The following TRIO variants were observed in gnomAD, a reference collection of about 807,000 sequenced individuals.
TRIO encodes the protein triple functional domain protein.
A neutral mutation model predicts 351.9 loss-of-function variants in TRIO; 58 were observed. That is an observed-to-expected ratio of 0.16 (90% CI 0.13 to 0.21). TRIO has a LOEUF of 0.21. Ranked by LOEUF, TRIO falls within the 10% of genes least tolerant of loss-of-function variation. The pLI, the probability that TRIO is intolerant of heterozygous loss-of-function variation, is 1.00. For synonymous variants in TRIO, 1,758 were observed against 1,595.7 expected, an observed-to-expected ratio of 1.10 and a Z score of -2.42; for missense variants, 3,201 against 4,027.8, an observed-to-expected ratio of 0.79 and a Z score of 5.56.
Position 14,359,531 on chromosome 5 carries a change from C to A in TRIO, c.2391C>A (p.Asp797Glu), listed in dbSNP as rs544836641. ...GCATCTTCGAGAGGGACGCCATCGA[C>A]GTGAGTGTCCCGCGGCTGGCGCCTG... ...QLRIFERDAIDIISDLESWND... is the reference protein window; with the variant it reads ...QLRIFERDAIEIISDLESWND... The change falls in exon 13 of 57, where the codon GAC (aspartate) becomes GAA (glutamate). Residue 797 changes from aspartate (D) to glutamate (E), a missense_variant and splice_region_variant. Physicochemically the swap from Asp to Glu is conservative, Grantham distance 45 (BLOSUM62 2). Around this residue, in one of 19 missense-constraint regions of TRIO, gnomAD observed 363 missense variants for 553.5 expected, o/e 0.66. Transcript: ENST00000344204. The A allele has an allele frequency of 6.8e-6, 11 of 1,612,868 alleles. No homozygotes were observed. In the South Asian group the frequency reaches 8.8e-5, roughly 13 times the overall value.
At chr5:14,194,507 G>A (rs748526890) in intron 1 of TRIO, among the ~76,000 whole-genome samples, 8 of 152,306 alleles carry the variant, frequency 5.3e-5, no homozygotes, top group African/African-American at 9.6e-5. Flanking sequence ...ATGTTAGGTT[G>A]CTGGATATCT....
At chr5:14,145,146 A>G (rs1046527714) in intron 1 of TRIO, among the ~76,000 whole-genome samples, 1 of 152,124 alleles carries the variant, frequency 6.6e-6, no homozygotes, top group Admixed American at 6.5e-5. Flanking sequence ...TCGGCGGTTC[A>G]CGCTTTTCCG....
intron 33 of TRIO, among the ~76,000 whole-genome samples, chr5:14,416,030 A>G (rs1031183946): frequency 6.6e-6 from 1 of 151,852 alleles, no homozygotes; most frequent in Non-Finnish European, 1.5e-5. Context: ...GAAACCCATT[A>G]AATATATAGA....
chr5:14,157,922 G>T (rs1788213775), intron 1 of TRIO, among the ~76,000 whole-genome samples: 1 of 152,058 alleles, frequency 6.6e-6, no homozygotes, highest in Non-Finnish European at 1.5e-5. Context: ...TGATGACACG[G>T]ATATTACGTC....
chr5:14,346,610 C>T (rs1348543001), intron 11 of TRIO, among the ~76,000 whole-genome samples: 3 of 152,174 alleles, frequency 2.0e-5, no homozygotes, highest in Admixed American at 6.5e-5. Flanking sequence ...ATTTTTAAAC[C>T]GCTGGTCAGG....
At chr5:14,468,538 C>G (rs748536935) in intron 37 of TRIO, among the ~76,000 whole-genome samples, 2 of 152,232 alleles carry the variant, frequency 1.3e-5, no homozygotes, top group Non-Finnish European at 2.9e-5. Flanking sequence ...ATTCTCCCCT[C>G]TTTTTCTGGT....
intron 15 of TRIO, 67 bp downstream of exon 15, chr5:14,364,883 G>T: frequency 6.6e-7 from 1 of 1,517,686 alleles, no homozygotes; most frequent in South Asian, 1.3e-5. Flanking sequence ...CGACTTCCCG[G>T]AAATTCTGAC....
At chr5:14,248,481 C>T (rs1794563511) in intron 1 of TRIO, among the ~76,000 whole-genome samples, 1 of 152,234 alleles carries the variant, frequency 6.6e-6, no homozygotes, top group Non-Finnish European at 1.5e-5. Flanking sequence ...TTTATGTTGA[C>T]TGTGTGGATT....
chr5:14,476,828 A>G (rs969746612), intron 40 of TRIO, 66 bp from the exon 41 acceptor site: 5 of 1,368,162 alleles, frequency 3.7e-6, no homozygotes, highest in Non-Finnish European at 4.0e-6. Flanking sequence ...GAAAAAATGT[A>G]AACCTAAATC....
chr5:14,471,591 A>C, intron 38 of TRIO, 125 bp downstream of exon 38: 1 of 1,275,108 alleles, frequency 7.8e-7, no homozygotes, highest in Non-Finnish European at 1.1e-6. Flanking sequence ...CCTCTCATTA[A>C]GTAACTGCAC....
At chr5:14,407,689 A>G (rs1261743534) in intron 33 of TRIO, among the ~76,000 whole-genome samples, 3 of 152,216 alleles carry the variant, frequency 2.0e-5, no homozygotes, top group Non-Finnish European at 4.4e-5. Flanking sequence ...AAGTTTGTAT[A>G]GGTGTATCTT....
chr5:14,449,226 A>G (rs1324310961), intron 34 of TRIO, among the ~76,000 whole-genome samples: 1 of 152,208 alleles, frequency 6.6e-6, no homozygotes, highest in African/African-American at 2.4e-5. Context: ...CTCTGGAAGG[A>G]AATGGGAGAT....
At chr5:14,238,781 G>A (rs1793943821) in intron 1 of TRIO, among the ~76,000 whole-genome samples, 1 of 152,204 alleles carries the variant, frequency 6.6e-6, no homozygotes, top group African/African-American at 2.4e-5. Flanking sequence ...CAACTAAAAT[G>A]TTTTCCACTT....
At chr5:14,305,908 G>C (rs1295655482) in intron 8 of TRIO, among the ~76,000 whole-genome samples, 2 of 152,180 alleles carry the variant, frequency 1.3e-5, no homozygotes, top group East Asian at 3.8e-4. Context: ...CAAATACTTA[G>C]CATTGTGGTA....
At chr5:14,388,562 T>A (rs780642800) in intron 23 of TRIO, 51 bp from the exon 24 acceptor site, 1 of 1,531,174 alleles carries the variant, frequency 6.5e-7, no homozygotes, top group Non-Finnish European at 8.9e-7. Flanking sequence ...AAGTAGATAG[T>A]GAAGTAAGCT....
intron 1 of TRIO, among the ~76,000 whole-genome samples, chr5:14,235,403 C>G (rs1033725783): frequency 5.3e-5 from 8 of 152,104 alleles, no homozygotes; most frequent in African/African-American, 1.4e-4. Flanking sequence ...TGATTGCTTC[C>G]TGGCTGTATT....
intron 28 of TRIO, among the ~76,000 whole-genome samples, chr5:14,395,134 T>C (rs1747449911): frequency 6.6e-6 from 1 of 152,228 alleles, no homozygotes; most frequent in Non-Finnish European, 1.5e-5. Flanking sequence ...CCCTTTTTGT[T>C]AGCAAGAAAA....
intron 31 of TRIO, among the ~76,000 whole-genome samples, chr5:14,404,818 G>T (rs1748562622): frequency 6.6e-6 from 1 of 152,118 alleles, no homozygotes. Flanking sequence ...GGTTAAAACG[G>T]TTTCTGTAGA....
At chr5:14,298,531 G>A (rs1191421845) in intron 7 of TRIO, among the ~76,000 whole-genome samples, 2 of 152,198 alleles carry the variant, frequency 1.3e-5, no homozygotes, top group African/African-American at 4.8e-5. Flanking sequence ...AAAGGAAATA[G>A]TATCTCTTTC....
Sources: gnomAD v4.1 joint callset for allele counts (sites outside exome capture counted in the v4.1 genomes callset) on GRCh38, gnomAD v4.1.1 for gene constraint, gnomAD v4.1.1 regional missense constraint, MANE v1.5 for transcripts, NCBI Gene and HGNC (gene_info 2026-07-23, HGNC 2026-07-21) for gene names.